The following LRP8 variants were observed in gnomAD, a reference collection of about 807,000 sequenced individuals.
LRP8 encodes LDL receptor related protein 8.
A neutral mutation model predicts 111.6 loss-of-function variants in LRP8; 46 were observed. The observed-to-expected ratio is 0.41, with a 90% CI of 0.33 to 0.53. The LOEUF (loss-of-function observed/expected upper bound fraction) is 0.53, where lower values mean the gene tolerates loss of function less well. Ranked by LOEUF, LRP8 falls within the 20% of genes least tolerant of loss-of-function variation. The pLI is 0.20. For synonymous variants in LRP8, 464 were observed against 511.2 expected, an observed-to-expected ratio of 0.91 and a Z score of 1.24; for missense variants, 959 against 1,297.4, an observed-to-expected ratio of 0.74 and a Z score of 4.01.
chr1:53,249,355 C>G lies in LRP8; in HGVS notation c.2853+25G>C. ...TTCATGCCCTCACTCACCAGCCCCT[C>G]AGACTTAGAGTGGCACTGCCCTACC... On this transcript the variant is annotated intron_variant, in intron 18 of 18. Coordinates refer to ENST00000306052, the MANE Select transcript of LRP8 (RefSeq NM_004631.5). The surrounding 1 kb of genome is among the most constrained non-coding windows in gnomAD (Gnocchi z 4.1). 1 of 1,609,646 alleles carries G rather than the reference C, an allele frequency of 6.2e-7. No individual in the cohort carries two copies.
chr1:53,310,102 C>T (rs1024364781), intron 2 of LRP8, among the ~76,000 whole-genome samples: 1 of 152,148 alleles, frequency 6.6e-6, no homozygotes, highest in Admixed American at 6.5e-5. Flanking sequence ...AGGAAGGGCT[C>T]TGGGCCCCAG....
At chr1:53,281,568 C>T (rs1226176933) in intron 3 of LRP8, among the ~76,000 whole-genome samples, 1 of 152,214 alleles carries the variant, frequency 6.6e-6, no homozygotes, top group Non-Finnish European at 1.5e-5. Context: ...ACACTTCCAT[C>T]TAATTTTCAC....
intron 6 of LRP8, among the ~76,000 whole-genome samples, chr1:53,274,171 A>G (rs1646845725): frequency 6.6e-6 from 1 of 152,152 alleles, no homozygotes; most frequent in Non-Finnish European, 1.5e-5. Context: ...TGGTCTCCCC[A>G]TCAGGTCCGA....
At chr1:53,321,209 G>A (rs1462280780) in intron 2 of LRP8, among the ~76,000 whole-genome samples, 4 of 152,230 alleles carry the variant, frequency 2.6e-5, no homozygotes, top group Non-Finnish European at 5.9e-5. Flanking sequence ...AAAAGGACAC[G>A]TTGTGGGAGC....
At chr1:53,325,055 G>C (rs2100555666) in intron 2 of LRP8, among the ~76,000 whole-genome samples, 1 of 152,336 alleles carries the variant, frequency 6.6e-6, no homozygotes, top group South Asian at 2.1e-4. Context: ...GGCATAACCA[G>C]CCCAGACACG....
Position 53,300,034 on chromosome 1 carries a change from C to T in LRP8, c.245-10345G>A, listed in dbSNP as rs182960693. ...TCCAGAGCCAGTAGTCACTGTCCTA[C>T]CAAAGTCCTCTCCGTAATCAAAGAG... is the stretch of plus-strand genomic sequence containing the variant. On this transcript the variant is annotated intron_variant, in intron 2 of 18. Transcript: ENST00000306052. Among the ~76,000 whole-genome samples, 396 of 152,374 alleles carry T rather than the reference C, an allele frequency of 2.6e-3. 2 individuals are homozygous for T. The highest frequency in any genetic ancestry group is 9.3e-3 in the African/African-American group (388 of 41,596).
intron 3 of LRP8, among the ~76,000 whole-genome samples, chr1:53,285,296 C>G (rs935298227): frequency 6.6e-6 from 1 of 152,054 alleles, no homozygotes; most frequent in African/African-American, 2.4e-5. Context: ...CACCACTGGC[C>G]CAGAGAGAGG....
chr1:53,284,159 C>T (rs35463087), intron 3 of LRP8, among the ~76,000 whole-genome samples: 1 of 79,008 alleles, frequency 1.3e-5, no homozygotes, highest in African/African-American at 5.4e-5. Context: ...ACTACATACC[C>T]GGGCCGCTTA....
intron 2 of LRP8, among the ~76,000 whole-genome samples, chr1:53,314,405 G>C (rs1188056006): frequency 6.6e-6 from 1 of 152,262 alleles, no homozygotes; most frequent in African/African-American, 2.4e-5. Flanking sequence ...GCCCCAGAGA[G>C]GATGGTCCTT....
rs753240758 is a variant in LRP8, at chr1:53,254,993, GC to G, written c.2503+123del. On this transcript the variant is annotated intron_variant, in intron 16 of 18. Transcript: ENST00000306052. The stretch of plus-strand genomic sequence containing the variant: ...AAATTAAATCAGGACTGGGAGGTGG[GC>G]AGGAAGGCTGCAAGGGCAGAACAAG... The G allele has an allele frequency of 5.2e-5, 52 of 991,706 alleles. No homozygotes were observed. In the Middle Eastern group the frequency reaches 9.4e-4, roughly 18 times the overall value. 61.4% of individuals were successfully genotyped at this position (991,706 alleles called of 1,614,324 possible).
At chr1:53,298,446 T>C (rs1369005250) in intron 2 of LRP8, among the ~76,000 whole-genome samples, 2 of 151,970 alleles carry the variant, frequency 1.3e-5, no homozygotes, top group African/African-American at 4.8e-5. Flanking sequence ...ACGCAAGGGG[T>C]GCTGCTGAGA....
rs1373472254 is a variant in LRP8, at chr1:53,257,299, C to A, written c.2375G>T (p.Arg792Met). Reference sequence around the variant, plus strand: ...GGTAGACGGGCTGATGCTGGGAGCCCTGGGGACACTAACTGAGCTTGGGAC... The same window carrying A: ...GGTAGACGGGCTGATGCTGGGAGCCATGGGGACACTAACTGAGCTTGGGAC... ...AAVPSSVSVP[R>M]APSISPSTLS... The change falls in exon 15 of 19, where the codon AGG becomes ATG. Residue 792 changes from arginine (R) to methionine (M), a missense_variant. Transcript: ENST00000306052. 1.2e-6 allele frequency: 2 copies of A among 1,614,088 alleles called. No individual in the cohort carries two copies. The highest frequency in any genetic ancestry group is 3.3e-5 in the Admixed American group (2 of 60,014).
chr1:53,295,544 G>A (rs949184555), intron 2 of LRP8, among the ~76,000 whole-genome samples: 1 of 152,126 alleles, frequency 6.6e-6, no homozygotes, highest in Non-Finnish European at 1.5e-5. Context: ...CAGGCTGCCA[G>A]AGCTTCCTTT....
Position 53,250,540 on chromosome 1 carries a change from A to T in LRP8, c.2676+150T>A. On this transcript the variant is annotated intron_variant, in intron 17 of 18. Coordinates refer to ENST00000306052, the MANE Select transcript of LRP8 (RefSeq NM_004631.5). The surrounding 1 kb of genome is among the most constrained non-coding windows in gnomAD (Gnocchi z 4.6). ...AAGGAAAGAAAAAAGACAGGGAGGG[A>T]GGGAAGGACGGAAGGAAAGGAGGGA... is the stretch of plus-strand genomic sequence containing the variant. 1.6e-6 allele frequency: 1 copy of T among 635,506 alleles called. No individual in the cohort carries two copies. The highest frequency in any genetic ancestry group is 2.7e-6 in the Non-Finnish European group (1 of 367,944). The allele number at this position is 635,506 out of a possible 1,614,324, so 39.4% of individuals were successfully genotyped here. A position where few individuals can be genotyped will look rare whatever the true frequency, so the allele number is the denominator to read the frequency against.
chr1:53,327,243 T>G, intron 1 of LRP8: 1 of 519,734 alleles, frequency 1.9e-6, no homozygotes, highest in Non-Finnish European at 3.4e-6. Context: ...ATACCCTCCA[T>G]TCAGACGCAC....
chr1:53,301,173 G>A (rs1468129287), intron 2 of LRP8, among the ~76,000 whole-genome samples: 1 of 152,178 alleles, frequency 6.6e-6, no homozygotes, highest in African/African-American at 2.4e-5. Flanking sequence ...GAAGCCAGGG[G>A]CTCCTGAGAA....
intron 2 of LRP8, among the ~76,000 whole-genome samples, chr1:53,292,847 T>C (rs1444822193): frequency 6.6e-6 from 1 of 152,148 alleles, no homozygotes; most frequent in Non-Finnish European, 1.5e-5. Context: ...TGCCTGCTCA[T>C]CTCCACCACG....
chr1:53,260,684 A>G (rs1013130468), intron 12 of LRP8, 79 bp from the exon 13 acceptor site: 18 of 1,466,840 alleles, frequency 1.2e-5, no homozygotes, highest in Non-Finnish European at 1.7e-5. Context: ...GCCCCAAACC[A>G]TAGTCACAAG....
intron 6 of LRP8, chr1:53,272,634 T>G: frequency 7.8e-7 from 1 of 1,289,612 alleles, no homozygotes. Flanking sequence ...CCCAGGAATG[T>G]TGGCGGAACT....
Sources: allele counts gnomAD v4.1 joint callset (sites outside exome capture counted in the v4.1 genomes callset), GRCh38; gene constraint gnomAD v4.1.1; non-coding constraint Gnocchi (gnomAD v3.1); transcripts MANE v1.5; gene names NCBI Gene and HGNC (gene_info 2026-07-23, HGNC 2026-07-21).